Variants in USH2A observed in about 807,000 individuals in gnomAD.
The protein encoded by USH2A is Usher syndrome 2A (autosomal recessive, mild).
A neutral mutation model predicts 538.9 loss-of-function variants in USH2A; 443 were observed. The ratio of observed to expected loss-of-function variants is 0.82; its 90% confidence interval spans 0.76 to 0.89. The LOEUF (loss-of-function observed/expected upper bound fraction) is 0.89, where lower values mean the gene tolerates loss of function less well. Among genes scored for constraint, USH2A ranks in the 40% least tolerant of loss-of-function variants. USH2A has a pLI of 0.00. For missense variants in USH2A, 6,633 were observed against 6,324.8 expected (o/e 1.05, Z -1.65); for synonymous variants, 2,413 against 2,273.5 (o/e 1.06, Z -1.75).
intron 30 of USH2A, among the ~76,000 whole-genome samples, chr1:216,050,050 T>C (rs983123773): frequency 6.6e-6 from 1 of 152,240 alleles, no homozygotes; most frequent in Non-Finnish European, 1.5e-5. Context: ...CTCTCATTCC[T>C]GCCCCTGCGA....
chr1:216,408,958 T>C (rs181335414), intron 3 of USH2A, among the ~76,000 whole-genome samples: 1 of 152,262 alleles, frequency 6.6e-6, no homozygotes, highest in Admixed American at 6.5e-5. Context: ...AACTTATGAA[T>C]TGTTTACTTC....
chr1:216,284,606 A>G (rs2036846324), intron 11 of USH2A, among the ~76,000 whole-genome samples: 1 of 152,226 alleles, frequency 6.6e-6, no homozygotes, highest in Non-Finnish European at 1.5e-5. Context: ...GCGCTGCTGT[A>G]AAGACACCCA....
rs869080030 is a variant in USH2A at position 215,917,780 on chromosome 1, CAAAAAAAAAAAA to C, written c.7300+16824_7300+16835del. The stretch of plus-strand genomic sequence containing the variant: ...GTAACATAGTGAAACCCTATCACTA[CAAAAAAAAAAAA>C]AAAAAAAAAAAAAATACAAAATTAG... On this transcript the variant is annotated intron_variant, in intron 38 of 71. Coordinates refer to ENST00000307340, the MANE Select transcript of USH2A (RefSeq NM_206933.4). Among the ~76,000 whole-genome samples, 40 of 89,620 alleles carry C rather than the reference CAAAAAAAAAAAA, an allele frequency of 4.5e-4. 2 individuals are homozygous for C. In the South Asian group the frequency reaches 0.012, roughly 28 times the overall value. 58.8% of individuals were successfully genotyped at this position (89,620 alleles called of 152,430 possible).
At chr1:215,771,566 C>A (rs1167268879) in intron 55 of USH2A, among the ~76,000 whole-genome samples, 8 of 92,526 alleles carry the variant, frequency 8.6e-5, no homozygotes, top group African/African-American at 3.1e-4. Flanking sequence ...GGCGACAGAG[C>A]GAGACTCCGT....
chr1:215,819,665 C>A (rs1490328537), intron 47 of USH2A, among the ~76,000 whole-genome samples: 10 of 151,740 alleles, frequency 6.6e-5, no homozygotes, highest in South Asian at 4.1e-4. Flanking sequence ...TTGACTTATC[C>A]ACAAAAGCTC....
intron 48 of USH2A, among the ~76,000 whole-genome samples, chr1:215,816,077 G>A (rs112495055): frequency 0.02 from 3,003 of 152,042 alleles, 97 homozygotes; most frequent in African/African-American, 0.069. Flanking sequence ...ATTTTCCCAA[G>A]TTTTTCTTAA....
In USH2A at chr1:215,982,733, T is replaced by C. The variant is rs551550296; in HGVS notation, c.6805+10287A>G. ...GTGTTGCATGCTGGTAATACAGAAG[T>C]TGTCAGAACAGTCATGGTTACTTCC... On this transcript the variant is annotated intron_variant, in intron 35 of 71. Coordinates refer to ENST00000307340, the MANE Select transcript of USH2A (RefSeq NM_206933.4). Among the ~76,000 whole-genome samples, 41 of 152,266 alleles carry C rather than the reference T, an allele frequency of 2.7e-4. No homozygotes were observed. The South Asian group carries it at 8.5e-3, about 32-fold the overall frequency.
Position 216,370,677 on chromosome 1 carries a change from C to CAAAAA in USH2A, c.652-5597_652-5593dup, listed in dbSNP as rs58845914. On this transcript the variant is annotated intron_variant, in intron 3 of 71. Transcript: ENST00000307340. ...TGGGGAACAGAGCCAGACTCTGTCT[C>CAAAAA]AAAAAAAAAAAAAAAAAAAAAAAAA... 5.0e-3 allele frequency among the ~76,000 whole-genome samples: 151 copies of CAAAAA among 29,988 alleles called. 17 individuals are homozygous for CAAAAA. The highest frequency in any genetic ancestry group is 0.016 in the African/African-American group (143 of 8,968). The allele number at this position is 29,988 out of a possible 152,430, so 19.7% of individuals were successfully genotyped here. A position where few individuals can be genotyped will look rare whatever the true frequency, so the allele number is the denominator to read the frequency against.
At chr1:216,191,214 A>T (rs941065271) in intron 19 of USH2A, among the ~76,000 whole-genome samples, 2 of 152,064 alleles carry the variant, frequency 1.3e-5, no homozygotes, top group African/African-American at 4.8e-5. Flanking sequence ...AGTAACTATG[A>T]GTACAAAACT....
intron 61 of USH2A, among the ~76,000 whole-genome samples, chr1:215,704,897 C>T (rs924118810): frequency 6.6e-6 from 1 of 152,062 alleles, no homozygotes; most frequent in African/African-American, 2.4e-5. Flanking sequence ...GATCTATTTA[C>T]CTGCCTTTTC....
intron 35 of USH2A, among the ~76,000 whole-genome samples, chr1:215,987,277 C>T (rs373060301): frequency 2.1e-3 from 307 of 147,520 alleles, no homozygotes; most frequent in African/African-American, 7.5e-3. Context: ...TACGCAATTG[C>T]AATCTACACA....
intron 30 of USH2A, among the ~76,000 whole-genome samples, chr1:216,048,939 G>C (rs753875370): frequency 6.6e-6 from 1 of 152,138 alleles, no homozygotes; most frequent in Non-Finnish European, 1.5e-5. Flanking sequence ...CATATAGTTC[G>C]TGAGGCAGAG....
intron 44 of USH2A, among the ~76,000 whole-genome samples, chr1:215,853,595 T>C (rs1664077839): frequency 6.6e-6 from 1 of 152,216 alleles, no homozygotes; most frequent in Non-Finnish European, 1.5e-5. Context: ...TTTCTGAACT[T>C]TTATGCTCTG....
chr1:216,355,668 A>G (rs1228457254), intron 4 of USH2A, among the ~76,000 whole-genome samples: 1 of 152,196 alleles, frequency 6.6e-6, no homozygotes, highest in Non-Finnish European at 1.5e-5. Flanking sequence ...AACAGGAAAC[A>G]TTGAAGAACA....
rs375985525 is a variant in USH2A, at chr1:216,289,572, A to T, written c.1841-162T>A. Among the ~76,000 whole-genome samples, 12 of 152,340 alleles carry T rather than the reference A, an allele frequency of 7.9e-5. 1 individual carries two copies. Among genetic ancestry groups the T allele is most frequent in the Admixed American group, 3.3e-4 (5 of 15,300 alleles). On this transcript the variant is annotated intron_variant, in intron 10 of 71. Transcript: ENST00000307340. The stretch of plus-strand genomic sequence containing the variant: ...ACCTGCCAATTTAGTGATCCAGAGC[A>T]TATGAAACAATGAACCTGTTACAAA...
At chr1:216,197,971 G>A (rs921294217) in intron 18 of USH2A, among the ~76,000 whole-genome samples, 2 of 152,106 alleles carry the variant, frequency 1.3e-5, no homozygotes, top group African/African-American at 4.8e-5. Flanking sequence ...AAATTAGGCT[G>A]TATATGGAGC....
chr1:216,144,618 G>C (rs900629275), intron 21 of USH2A, among the ~76,000 whole-genome samples: 1 of 152,154 alleles, frequency 6.6e-6, no homozygotes, highest in African/African-American at 2.4e-5. Flanking sequence ...GCAGGGGATA[G>C]AAACATAAAA....
At chr1:215,950,513 T>A (rs1666886456) in intron 37 of USH2A, among the ~76,000 whole-genome samples, 1 of 151,192 alleles carries the variant, frequency 6.6e-6, no homozygotes, top group South Asian at 2.1e-4. Context: ...CCTTTTTTTT[T>A]TTTTTTTTTC....
chr1:215,773,480 C>CTCTG (rs1399602261), intron 55 of USH2A, among the ~76,000 whole-genome samples: 13 of 120,572 alleles, frequency 1.1e-4, no homozygotes, highest in African/African-American at 5.5e-4. Flanking sequence ...ACGGATGTCT[C>CTCTG]TCTGTCTCTC....
Sources: allele counts gnomAD v4.1 joint callset (sites outside exome capture counted in the v4.1 genomes callset), GRCh38; gene constraint gnomAD v4.1.1; transcripts MANE v1.5; gene names NCBI Gene and HGNC (gene_info 2026-07-23, HGNC 2026-07-21).